COQ8A: variants seen among roughly 807,000 people sequenced by gnomAD.
COQ8A encodes the protein coenzyme Q8A, also known as atypical kinase COQ8A, mitochondrial.
COQ8A carries 51 observed loss-of-function variants against 65.0 expected under a neutral mutation model. The ratio of observed to expected loss-of-function variants is 0.78; its 90% CI spans 0.63 to 0.99. The LOEUF (loss-of-function observed/expected upper bound fraction) is 0.99, where lower values mean the gene tolerates loss of function less well. Among genes scored for constraint, COQ8A ranks in the 50% least tolerant of loss-of-function variants. COQ8A has a pLI of 0.00. For synonymous variants in COQ8A, 371 were observed against 353.2 expected (o/e 1.05, Z -0.57); for missense variants, 940 against 875.0 (o/e 1.07, Z -0.94).
At position 226,972,777 on chromosome 1, in the gene COQ8A, T is replaced by A. The variant is rs894141873; in HGVS notation, c.656-4672T>A. On this transcript the variant is annotated intron_variant, in intron 4 of 14. Coordinates refer to ENST00000366777, the MANE Select transcript of COQ8A (RefSeq NM_020247.5). The surrounding 1 kb of genome is among the most constrained non-coding windows in gnomAD (Gnocchi z 4.3). ...GGGCTTGGGGTGGTTATTTTTAAAA[T>A]TTTGCATGTAAGGACATTTAAAACA... Among the ~76,000 whole-genome samples the A allele has an allele frequency of 1.4e-5, 2 of 143,946 alleles. No individual in the cohort carries two copies. The highest frequency in any genetic ancestry group is 5.2e-5 in the African/African-American group (2 of 38,182). 94.4% of individuals were successfully genotyped at this position (143,946 alleles called of 152,430 possible). A position where few individuals can be genotyped will look rare whatever the true frequency, so the allele number is the denominator to read the frequency against.
chr1:226,984,939 C>G lies in COQ8A; in HGVS notation c.1570C>G (p.Gln524Glu), dbSNP rs748999967. The G allele has an allele frequency of 1.2e-5, 20 of 1,614,008 alleles. No individual in the cohort carries two copies. The Admixed American group carries it at 1.3e-4, about 11-fold the overall frequency. The change falls in exon 13 of 15, where the codon CAG becomes GAG. Residue 524 changes from glutamine (Q) to glutamate (E), a missense_variant and splice_region_variant. Gln to Glu is a conservative substitution (Grantham distance 29). Coordinates refer to ENST00000366777, the MANE Select transcript of COQ8A (RefSeq NM_020247.5). ...YDRSFTDLYI[Q>E]IIRAAADRDR... ...CAGATCCTTCACCGACCTCTACATT[C>G]AGGTAACTGGAGAGGGGCCCTGGCC...
rs1031814707 is a variant in COQ8A at position 226,979,393 on chromosome 1, G to C, written c.730+1870G>C. Among the ~76,000 whole-genome samples, 18 of 152,246 alleles carry C rather than the reference G, an allele frequency of 1.2e-4. 1 individual carries two copies. The highest frequency in any genetic ancestry group is 3.6e-4 in the African/African-American group (15 of 41,460). On this transcript the variant is annotated intron_variant, in intron 5 of 14. Coordinates refer to ENST00000366777, the MANE Select transcript of COQ8A (RefSeq NM_020247.5). ...GGCACGGGGGGCGGGCCAGGTAGGTGCGAGGTCAGCCCAGCAGGGGCTTTC... is the reference window on the plus strand; with the variant it reads ...GGCACGGGGGGCGGGCCAGGTAGGTCCGAGGTCAGCCCAGCAGGGGCTTTC...
intron 2 of COQ8A, among the ~76,000 whole-genome samples, chr1:226,964,066 C>G (rs932549923): frequency 1.8e-4 from 27 of 152,180 alleles, no homozygotes; most frequent in African/African-American, 5.5e-4. Context: ...CAGCCTGTCT[C>G]TCTCCTCCCT....
chr1:226,972,030 A>G lies in COQ8A; in HGVS notation c.656-5419A>G, dbSNP rs1465881328. Among the ~76,000 whole-genome samples the G allele has an allele frequency of 6.6e-6, 1 of 152,062 alleles. No individual in the cohort carries two copies. Among genetic ancestry groups the G allele is most frequent in the African/African-American group, 2.4e-5 (1 of 41,372 alleles). On this transcript the variant is annotated intron_variant, in intron 4 of 14. Coordinates refer to ENST00000366777, the MANE Select transcript of COQ8A (RefSeq NM_020247.5). The surrounding 1 kb of genome is among the most constrained non-coding windows in gnomAD (Gnocchi z 4.3). ...TCCTTTGCTCTTTTCTGTATTTTCC[A>G]TGCCTTTTTCCATTTATCCTTCAGT...
chr1:226,986,014 C>T (rs949607523), intron 14 of COQ8A, among the ~76,000 whole-genome samples: 2 of 152,232 alleles, frequency 1.3e-5, no homozygotes, highest in African/African-American at 4.8e-5. Context: ...GCTCCTCTCC[C>T]CTGCTCTGCT....
intron 4 of COQ8A, among the ~76,000 whole-genome samples, chr1:226,968,911 A>G (rs1377472213): frequency 6.6e-6 from 1 of 152,190 alleles, no homozygotes; most frequent in Non-Finnish European, 1.5e-5. Flanking sequence ...AAAGGGTCAT[A>G]TATTGGATAT....
At chr1:226,940,933 C>G (rs1264586973) in intron 1 of COQ8A, among the ~76,000 whole-genome samples, 1 of 152,172 alleles carries the variant, frequency 6.6e-6, no homozygotes, top group Non-Finnish European at 1.5e-5. Context: ...GAACTTGGGA[C>G]AGGGGATCCT....
chr1:226,967,831 A>G (rs1195097218), intron 4 of COQ8A, among the ~76,000 whole-genome samples: 4 of 152,202 alleles, frequency 2.6e-5, no homozygotes, highest in African/African-American at 9.7e-5. Context: ...GCCCACAGCT[A>G]TGATTCAGAG....
chr1:226,957,001 C>G (rs1657822765), intron 1 of COQ8A, among the ~76,000 whole-genome samples: 1 of 140,974 alleles, frequency 7.1e-6, no homozygotes, highest in Non-Finnish European at 1.5e-5. Context: ...CTCCCTGGTT[C>G]ACACTCTCCC....
At chr1:226,957,506 A>G (rs1484091460) in intron 1 of COQ8A, among the ~76,000 whole-genome samples, 3 of 152,114 alleles carry the variant, frequency 2.0e-5, no homozygotes, top group African/African-American at 7.2e-5. Context: ...GAGATTGAAC[A>G]GTGGCTTGGT....
chr1:226,949,331 C>T lies in COQ8A; in HGVS notation c.-10+8932C>T, dbSNP rs77170260. 0.016 allele frequency among the ~76,000 whole-genome samples: 2,416 copies of T among 152,076 alleles called. 21 individuals are homozygous for T. The highest frequency in any genetic ancestry group is 0.024 in the Non-Finnish European group (1,624 of 67,986). ...TTGAGCAACGCGTTGGCATGATGAA[C>T]GTGGGTTTTTTTATAGGGAGAGGAA... On this transcript the variant is annotated intron_variant, in intron 1 of 14. Transcript: ENST00000366777. This position sits in a 1 kb window ranked among gnomAD's most constrained non-coding sequence, Gnocchi z 4.0.
At position 226,984,600 on chromosome 1, in the gene COQ8A, T is replaced by G. The variant is rs895796966; in HGVS notation, c.1451T>G (p.Phe484Cys). ...LCLRELFEFH[F>C]MQTDPNWSNF... is the part of the protein sequence containing the mutation. Reference sequence around the variant, plus strand: ...CTGAGGGAGCTGTTCGAGTTCCACTTCATGCAAACAGACCCCAACTGGTCC... The same window carrying G: ...CTGAGGGAGCTGTTCGAGTTCCACTGCATGCAAACAGACCCCAACTGGTCC... Residue 484 changes from phenylalanine (F) to cysteine (C), a missense_variant, in exon 12 of 15, where the codon TTC becomes TGC. Coordinates refer to ENST00000366777, the MANE Select transcript of COQ8A (RefSeq NM_020247.5). 3.1e-6 allele frequency: 5 copies of G among 1,614,010 alleles called. No homozygotes were observed. Among genetic ancestry groups the G allele is most frequent in the Non-Finnish European group, 4.2e-6 (5 of 1,180,006 alleles).
chr1:226,978,761 C>T lies in COQ8A; in HGVS notation c.730+1238C>T, dbSNP rs575092607. ...CACACCTCCTTACACACCCACCTCA[C>T]ACCCGCATACCTCCGTACACACCCA... is the stretch of plus-strand genomic sequence containing the variant. On this transcript the variant is annotated intron_variant, in intron 5 of 14. Coordinates refer to ENST00000366777, the MANE Select transcript of COQ8A (RefSeq NM_020247.5). Among the ~76,000 whole-genome samples the T allele has an allele frequency of 5.3e-4, 62 of 117,006 alleles. 1 individual carries two copies. Among genetic ancestry groups the T allele is most frequent in the African/African-American group, 1.6e-3 (57 of 36,316 alleles). 76.8% of individuals were successfully genotyped at this position (117,006 alleles called of 152,430 possible).
chr1:226,952,176 T>C (rs1186602601), intron 1 of COQ8A, among the ~76,000 whole-genome samples: 7 of 152,158 alleles, frequency 4.6e-5, no homozygotes, highest in Admixed American at 4.6e-4. Context: ...AGCCTCTCTC[T>C]CCAAATTGGA....
intron 1 of COQ8A, among the ~76,000 whole-genome samples, chr1:226,960,247 T>TTGG (rs1247603225): frequency 1.6e-5 from 2 of 122,220 alleles, no homozygotes; most frequent in East Asian, 2.5e-4. Flanking sequence ...GTGGTGGTCC[T>TTGG]TGGTGGTGGT....
chr1:226,980,523 A>G (rs780850911), intron 5 of COQ8A, among the ~76,000 whole-genome samples: 31 of 152,100 alleles, frequency 2.0e-4, no homozygotes, highest in Non-Finnish European at 3.7e-4. Context: ...CACAAGTACC[A>G]CAGGCCTAGG....
At position 226,949,750 on chromosome 1, in the gene COQ8A, A is replaced by ATAC. The variant is rs1412110137; in HGVS notation, c.-10+9360_-10+9362dup. Among the ~76,000 whole-genome samples, 1 of 152,176 alleles carries ATAC rather than the reference A, an allele frequency of 6.6e-6. No individual in the cohort carries two copies. Among genetic ancestry groups the ATAC allele is most frequent in the Non-Finnish European group, 1.5e-5 (1 of 68,036 alleles). On this transcript the variant is annotated intron_variant, in intron 1 of 14. Transcript: ENST00000366777. The surrounding 1 kb of genome is among the most constrained non-coding windows in gnomAD (Gnocchi z 4.0). ...ATTCCAGAATGTCTGTGTGCTTGCA[A>ATAC]TACTACTACTAATAATAATGGCATT...
rs1276060235 is a variant in COQ8A, at chr1:226,949,228, C to T, written c.-10+8829C>T. ...GGAAAGGAGGCCGGGGGCCTGATTT[C>T]GATGCCTGGGACTTCAGGCGCAGGA... is the stretch of plus-strand genomic sequence containing the variant. On this transcript the variant is annotated intron_variant, in intron 1 of 14. Coordinates refer to ENST00000366777, the MANE Select transcript of COQ8A (RefSeq NM_020247.5). This position sits in a 1 kb window ranked among gnomAD's most constrained non-coding sequence, Gnocchi z 4.0. 2.6e-5 allele frequency among the ~76,000 whole-genome samples: 4 copies of T among 151,874 alleles called. No homozygotes were observed. The highest frequency in any genetic ancestry group is 2.1e-4 in the South Asian group (1 of 4,780).
At chr1:226,951,414 C>G (rs1657375633) in intron 1 of COQ8A, among the ~76,000 whole-genome samples, 1 of 152,132 alleles carries the variant, frequency 6.6e-6, no homozygotes. Flanking sequence ...CCCCTCCCAG[C>G]CCCCCAGGCC....
Sources: allele counts gnomAD v4.1 joint callset (sites outside exome capture counted in the v4.1 genomes callset), GRCh38; gene constraint gnomAD v4.1.1; non-coding constraint Gnocchi (gnomAD v3.1); transcripts MANE v1.5; gene names NCBI Gene and HGNC (gene_info 2026-07-23, HGNC 2026-07-21).